Variants in SBF2 observed in about 807,000 individuals in gnomAD.
SBF2 encodes myotubularin-related protein 13.
A neutral mutation model predicts 225.2 loss-of-function variants in SBF2; 112 were observed. That is an observed-to-expected ratio of 0.50 (90% confidence interval 0.43 to 0.58). The LOEUF (loss-of-function observed/expected upper bound fraction) is 0.58. Among genes scored for constraint, SBF2 ranks in the 20% least tolerant of loss-of-function variants. The pLI is 0.00. For missense variants in SBF2, 1,996 were observed against 2,206.2 expected, an observed-to-expected ratio of 0.90 and a Z score of 1.91; for synonymous variants, 763 against 773.3, an observed-to-expected ratio of 0.99 and a Z score of 0.22.
rs1865999268 is a variant in SBF2 at position 9,953,856 on chromosome 11, CTCATCGTA to C, written c.1860+8093_1860+8100del. Among the ~76,000 whole-genome samples the C allele has an allele frequency of 6.6e-5, 10 of 152,138 alleles. No homozygotes were observed. In the South Asian group the frequency reaches 2.1e-3, roughly 32 times the overall value. Reference sequence around the variant, plus strand: ...TATTTCTATGTTAGTGAGAAGGTTCCTCATCGTATATGCAATTTAACATAATGCTGGAC... The same window carrying C: ...TATTTCTATGTTAGTGAGAAGGTTCCTATGCAATTTAACATAATGCTGGAC... On this transcript the variant is annotated intron_variant, in intron 16 of 39. Transcript: ENST00000256190.
At chr11:10,168,473 C>T (rs1956062040) in intron 2 of SBF2, among the ~76,000 whole-genome samples, 1 of 152,168 alleles carries the variant, frequency 6.6e-6, no homozygotes, top group African/African-American at 2.4e-5. Flanking sequence ...TTACTAATAT[C>T]AGCATCACAT....
intron 1 of SBF2, among the ~76,000 whole-genome samples, chr11:10,270,623 A>G (rs1962393416): frequency 6.6e-6 from 1 of 152,242 alleles, no homozygotes; most frequent in South Asian, 2.1e-4. Flanking sequence ...AGAACATGGA[A>G]AGCTTCCAAT....
At chr11:9,844,898 AAAGTAT>A (rs2133967481) in intron 24 of SBF2, among the ~76,000 whole-genome samples, 1 of 152,350 alleles carries the variant, frequency 6.6e-6, no homozygotes, top group African/African-American at 2.4e-5. Context: ...TCCAGAACTT[AAAGTAT>A]AATAAATAAA....
At chr11:10,118,552 T>A (rs1396031325) in intron 2 of SBF2, among the ~76,000 whole-genome samples, 1 of 152,116 alleles carries the variant, frequency 6.6e-6, no homozygotes. Context: ...GCAGAAAATA[T>A]TTACAAAGAA....
rs201547070 is a variant in SBF2, at chr11:9,856,502, C to T, written c.2319G>A (p.Ala773=). 1.9e-4 allele frequency: 305 copies of T among 1,614,044 alleles called. No individual in the cohort carries two copies. Among genetic ancestry groups the T allele is most frequent in the Admixed American group, 3.3e-4 (20 of 60,004 alleles). ...TSKNKLLRTS[A]PGDWESGSNS... ...TGCTTCCGCTCTCCCAGTCACCTGG[C>T]GCTGATGTTCTTAGGAGCTTGTTTT... The change falls in exon 19 of 40, where the codon GCG becomes GCA. Residue 773 remains alanine, a synonymous_variant. Coordinates refer to ENST00000256190, the MANE Select transcript of SBF2 (RefSeq NM_030962.4).
chr11:9,952,012 T>C (rs1170677923), intron 16 of SBF2, among the ~76,000 whole-genome samples: 1 of 152,186 alleles, frequency 6.6e-6, no homozygotes, highest in Non-Finnish European at 1.5e-5. Context: ...AACCTCCACA[T>C]CTTTAATAAA....
At chr11:9,880,084 TAA>T (rs58140393) in intron 17 of SBF2, among the ~76,000 whole-genome samples, 6 of 52,004 alleles carry the variant, frequency 1.2e-4, no homozygotes, top group African/African-American at 4.6e-4. Context: ...CTCTGTCTCA[TAA>T]AAAAAAAAAA....
intron 2 of SBF2, among the ~76,000 whole-genome samples, chr11:10,094,004 A>G (rs536845057): frequency 1.3e-5 from 2 of 152,374 alleles, no homozygotes; most frequent in Non-Finnish European, 2.9e-5. Flanking sequence ...TTTGGAAAGT[A>G]CTTCTCAGAG....
chr11:10,260,187 T>C (rs1961284953), intron 1 of SBF2, among the ~76,000 whole-genome samples: 1 of 152,222 alleles, frequency 6.6e-6, no homozygotes, highest in Non-Finnish European at 1.5e-5. Flanking sequence ...CATAATGTGT[T>C]AATAAAATTA....
At chr11:10,194,339 A>C (rs990435881) in intron 1 of SBF2, among the ~76,000 whole-genome samples, 1 of 152,216 alleles carries the variant, frequency 6.6e-6, no homozygotes, top group African/African-American at 2.4e-5. Context: ...ATAAGTAATT[A>C]AGAAATTATT....
intron 2 of SBF2, among the ~76,000 whole-genome samples, chr11:10,132,757 G>T (rs1954127818): frequency 1.3e-5 from 2 of 148,938 alleles, no homozygotes; most frequent in South Asian, 4.2e-4. Flanking sequence ...CGGGCAGCCT[G>T]CTTTTGTTCT....
intron 1 of SBF2, among the ~76,000 whole-genome samples, chr11:10,221,880 C>G (rs1114426): frequency 0.63 from 95,197 of 151,984 alleles, 30,787 homozygotes; most frequent in East Asian, 0.97. Context: ...TAAGATAAAC[C>G]CCACTGTTTT....
Position 9,967,991 on chromosome 11 carries a change from A to AT in SBF2, c.1600+349_1600+350insA, listed in dbSNP as rs71313477. On this transcript the variant is annotated intron_variant, in intron 14 of 39. Transcript: ENST00000256190. ...TCTCTCTATATATATATATATATAT[A>AT]AAATATATATATATTCTCAAATTAA... Among the ~76,000 whole-genome samples the AT allele has an allele frequency of 8.9e-3, 1,192 of 134,298 alleles. 4 individuals are homozygous for AT. The highest frequency in any genetic ancestry group is 0.015 in the Non-Finnish European group (909 of 62,064). 88.1% of individuals were successfully genotyped at this position (134,298 alleles called of 152,430 possible).
chr11:10,279,268 C>A (rs1217478352), intron 1 of SBF2, among the ~76,000 whole-genome samples: 1 of 151,782 alleles, frequency 6.6e-6, no homozygotes, highest in Non-Finnish European at 1.5e-5. Flanking sequence ...AAAAACTTAG[C>A]CGGGCATGGT....
intron 17 of SBF2, among the ~76,000 whole-genome samples, chr11:9,860,260 A>C (rs992077236): frequency 9.2e-6 from 1 of 108,936 alleles, no homozygotes; most frequent in African/African-American, 3.3e-5. Context: ...ATTTTGAAAC[A>C]GTTTTTTTTT....
At chr11:9,925,931 A>G (rs1246298274) in intron 16 of SBF2, among the ~76,000 whole-genome samples, 2 of 151,554 alleles carry the variant, frequency 1.3e-5, no homozygotes. Context: ...CAGTCTCCCC[A>G]GGCTAAAAAA....
At chr11:10,297,589 T>C (rs1226392231), upstream of SBF2, among the ~76,000 whole-genome samples, 1 of 152,242 alleles carries the variant, frequency 6.6e-6, no homozygotes, top group East Asian at 1.9e-4. Flanking sequence ...TTTAAATGTC[T>C]TGGCTTTTAT....
chr11:10,081,769 A>G (rs899371864), intron 2 of SBF2, among the ~76,000 whole-genome samples: 2 of 151,608 alleles, frequency 1.3e-5, no homozygotes, highest in Non-Finnish European at 2.9e-5. Flanking sequence ...CAAAAAAAAA[A>G]AAAAAGAAAA....
intron 1 of SBF2, among the ~76,000 whole-genome samples, chr11:10,202,846 A>C (rs1957616664): frequency 6.6e-6 from 1 of 152,252 alleles, no homozygotes; most frequent in Non-Finnish European, 1.5e-5. Flanking sequence ...TCCAAGGTGA[A>C]GTAACAAGGT....
Sources: allele counts gnomAD v4.1 joint callset (sites outside exome capture counted in the v4.1 genomes callset), GRCh38; gene constraint gnomAD v4.1.1; transcripts MANE v1.5; gene names NCBI Gene and HGNC (gene_info 2026-07-23, HGNC 2026-07-21).